The following LRRC1 variants were observed in gnomAD, a reference collection of about 807,000 sequenced individuals.
LRRC1 encodes leucine rich repeat containing 1.
A neutral mutation model predicts 69.9 loss-of-function variants in LRRC1; 28 were observed. The observed-to-expected ratio is 0.40, with a 90% CI of 0.30 to 0.55. The LOEUF (loss-of-function observed/expected upper bound fraction) is 0.55, where lower values mean the gene tolerates loss of function less well. LRRC1 is among the 20% of genes least tolerant of loss of function. The probability of loss-of-function intolerance (pLI) is 0.47; values close to 1 mark genes in which losing one functional copy is unlikely to be tolerated. For synonymous variants in LRRC1, 236 were observed against 240.2 expected (o/e 0.98, Z 0.16); for missense variants, 498 against 609.0 (o/e 0.82, Z 1.92).
At chr6:53,840,755 A>G (rs975360629) in intron 1 of LRRC1, among the ~76,000 whole-genome samples, 3 of 151,932 alleles carry the variant, frequency 2.0e-5, no homozygotes, top group Non-Finnish European at 4.4e-5. Context: ...TCTTCTAATT[A>G]TGCTTTTTAT....
intron 2 of LRRC1, among the ~76,000 whole-genome samples, chr6:53,853,786 G>A (rs1766221726): frequency 1.3e-5 from 2 of 152,188 alleles, no homozygotes; most frequent in African/African-American, 4.8e-5. Context: ...AAAGTAAAGG[G>A]ATTTGATAAC....
chr6:53,846,146 C>T (rs1765936896), intron 2 of LRRC1, among the ~76,000 whole-genome samples: 1 of 152,150 alleles, frequency 6.6e-6, no homozygotes, highest in Non-Finnish European at 1.5e-5. Context: ...GTTTTTACAG[C>T]CTCACTTTCT....
At chr6:53,844,190 C>G (rs1422092246) in intron 2 of LRRC1, among the ~76,000 whole-genome samples, 1 of 152,230 alleles carries the variant, frequency 6.6e-6, no homozygotes, top group African/African-American at 2.4e-5. Flanking sequence ...TGAAATGATT[C>G]TCTTGTCCTA....
At chr6:53,861,200 G>T (rs867546837) in intron 2 of LRRC1, among the ~76,000 whole-genome samples, 1 of 151,690 alleles carries the variant, frequency 6.6e-6, no homozygotes, top group Non-Finnish European at 1.5e-5. Flanking sequence ...AAATAAAATG[G>T]CCAGGTCCTC....
At chr6:53,882,273 G>T (rs1311369524) in intron 3 of LRRC1, among the ~76,000 whole-genome samples, 1 of 152,166 alleles carries the variant, frequency 6.6e-6, no homozygotes, top group Non-Finnish European at 1.5e-5. Context: ...GCTTGAACCC[G>T]GGAGGCGGAG....
chr6:53,863,612 C>T (rs1218359944), intron 2 of LRRC1, among the ~76,000 whole-genome samples: 2 of 152,004 alleles, frequency 1.3e-5, no homozygotes, highest in East Asian at 3.9e-4. Context: ...AAGTCAAACC[C>T]GAAAACATCA....
chr6:53,844,990 G>A (rs370795906), intron 2 of LRRC1, among the ~76,000 whole-genome samples: 98 of 152,290 alleles, frequency 6.4e-4, no homozygotes, highest in African/African-American at 2.3e-3. Flanking sequence ...GGATCACTAG[G>A]TCAGGAGTTC....
chr6:53,882,720 A>G (rs905259109), intron 3 of LRRC1, among the ~76,000 whole-genome samples, 167 bp from the exon 4 acceptor site: 6 of 152,236 alleles, frequency 3.9e-5, no homozygotes, highest in Admixed American at 6.5e-5. Flanking sequence ...TTTTTTCCTT[A>G]CAAGCGTCTT....
rs534003888 is a variant in LRRC1 at position 53,861,331 on chromosome 6, G to A, written c.278-17662G>A. Among the ~76,000 whole-genome samples the A allele has an allele frequency of 2.4e-4, 37 of 151,722 alleles. No homozygotes were observed. The Middle Eastern group carries it at 0.02, about 84-fold the overall frequency. On this transcript the variant is annotated intron_variant, in intron 2 of 13. Coordinates refer to ENST00000370888, the MANE Select transcript of LRRC1 (RefSeq NM_018214.5). ...CTGACTTTTCCAATTCTCAGGGGAC[G>A]GTGGTCCCAGGTGATTTTGATCTCA...
intron 2 of LRRC1, among the ~76,000 whole-genome samples, chr6:53,845,742 G>A (rs899397643): frequency 1.3e-5 from 2 of 152,208 alleles, no homozygotes; most frequent in Non-Finnish European, 2.9e-5. Flanking sequence ...TTAAAATGAA[G>A]ATTCTGTTGC....
At chr6:53,905,562 A>C (rs1317528790) in intron 10 of LRRC1, among the ~76,000 whole-genome samples, 1 of 151,974 alleles carries the variant, frequency 6.6e-6, no homozygotes, top group Non-Finnish European at 1.5e-5. Flanking sequence ...AGTTTGCTTC[A>C]TATTTCTGTT....
intron 4 of LRRC1, among the ~76,000 whole-genome samples, chr6:53,896,032 C>G (rs576594730): frequency 3.3e-5 from 5 of 152,312 alleles, no homozygotes; most frequent in South Asian, 2.1e-4. Context: ...GAGATGTCCC[C>G]TACTTTAAAA....
intron 10 of LRRC1, among the ~76,000 whole-genome samples, chr6:53,912,684 C>T (rs1768450918): frequency 6.6e-6 from 1 of 152,110 alleles, no homozygotes; most frequent in South Asian, 2.1e-4. Flanking sequence ...TAGCCATTCA[C>T]AAAAATATGC....
In LRRC1 at chr6:53,890,617, G is replaced by C. The variant is rs187849161; in HGVS notation, c.447-5881G>C. Among the ~76,000 whole-genome samples the C allele has an allele frequency of 5.5e-3, 841 of 151,914 alleles. 1 individual carries two copies. Among genetic ancestry groups the C allele is most frequent in the Middle Eastern group, 0.024 (7 of 290 alleles). On this transcript the variant is annotated intron_variant, in intron 4 of 13. Transcript: ENST00000370888. ...TATTTAATGTTCTTTTTTGAGTCCT[G>C]GGAATTACTATAAAATATTTATTAT... is the stretch of plus-strand genomic sequence containing the variant.
At chr6:53,816,578 G>T (rs1304271961) in intron 1 of LRRC1, among the ~76,000 whole-genome samples, 2 of 152,058 alleles carry the variant, frequency 1.3e-5, no homozygotes, top group Admixed American at 1.3e-4. Context: ...AATCAAAACA[G>T]GGCAATATTT....
At chr6:53,918,576 T>G (rs773814349) in intron 11 of LRRC1, among the ~76,000 whole-genome samples, 1 of 152,216 alleles carries the variant, frequency 6.6e-6, no homozygotes, top group Non-Finnish European at 1.5e-5. Flanking sequence ...CTAGTTTATT[T>G]CCTGTAAGTT....
At chr6:53,828,778 T>C (rs1430242149) in intron 1 of LRRC1, among the ~76,000 whole-genome samples, 1 of 152,222 alleles carries the variant, frequency 6.6e-6, no homozygotes, top group African/African-American at 2.4e-5. Flanking sequence ...TAATATCTTT[T>C]TGTTTGTGGT....
intron 1 of LRRC1, among the ~76,000 whole-genome samples, chr6:53,832,068 CCTCTGA>C (rs1391883272): frequency 6.6e-6 from 1 of 152,098 alleles, no homozygotes; most frequent in African/African-American, 2.4e-5. Flanking sequence ...TAACGCAGTT[CCTCTGA>C]ACAACCCATT....
chr6:53,877,035 A>G (rs554882818), intron 2 of LRRC1, among the ~76,000 whole-genome samples: 2 of 152,292 alleles, frequency 1.3e-5, no homozygotes, highest in African/African-American at 4.8e-5. Flanking sequence ...CCCTGAAGCA[A>G]ACTTTTGCCT....
Sources: allele counts gnomAD v4.1 joint callset (sites outside exome capture counted in the v4.1 genomes callset), GRCh38; gene constraint gnomAD v4.1.1; transcripts MANE v1.5; gene names NCBI Gene and HGNC (gene_info 2026-07-23, HGNC 2026-07-21).